TMEM62: variants seen among roughly 807,000 people sequenced by gnomAD.
The protein encoded by TMEM62 is transmembrane protein 62.
In TMEM62, 41 loss-of-function variants were observed where a neutral mutation model predicts 70.4. The observed-to-expected ratio is 0.58, with a 90% CI of 0.45 to 0.76. TMEM62 has a LOEUF of 0.76. TMEM62 is among the 30% of genes least tolerant of loss of function. The pLI is 0.00. For synonymous variants in TMEM62, 268 were observed against 291.0 expected (o/e 0.92, Z 0.80); for missense variants, 688 against 788.5 (o/e 0.87, Z 1.53).
intron 10 of TMEM62, among the ~76,000 whole-genome samples, chr15:43,161,533 C>G (rs2038696783): frequency 6.6e-6 from 1 of 152,136 alleles, no homozygotes; most frequent in Admixed American, 6.5e-5. Context: ...ACACATCTTT[C>G]TTTTATCACA....
intron 10 of TMEM62, among the ~76,000 whole-genome samples, chr15:43,168,218 G>A (rs956223478): frequency 4.9e-4 from 65 of 132,408 alleles, no homozygotes; most frequent in African/African-American, 1.8e-3. Flanking sequence ...AGGGAGAGGG[G>A]TCTTTTGTTT....
intron 11 of TMEM62, among the ~76,000 whole-genome samples, chr15:43,172,131 CAAG>C (rs1189713072): frequency 1.3e-5 from 2 of 151,992 alleles, no homozygotes; most frequent in African/African-American, 4.8e-5. Context: ...TTTAAGAAAC[CAAG>C]AACCAACTTA....
intron 3 of TMEM62, 169 bp downstream of exon 3, chr15:43,135,818 T>C: frequency 2.9e-6 from 2 of 688,580 alleles, no homozygotes; most frequent in Non-Finnish European, 4.3e-6. Context: ...TCAAATGTCA[T>C]TGTTAGCCTT....
At chr15:43,162,749 C>T (rs972536842) in intron 10 of TMEM62, among the ~76,000 whole-genome samples, 1 of 152,028 alleles carries the variant, frequency 6.6e-6, no homozygotes, top group East Asian at 1.9e-4. Context: ...TTTTTTTAAT[C>T]ACTTCTCTAT....
At chr15:43,181,101 C>A in intron 12 of TMEM62, 80 bp from the exon 13 acceptor site, 1 of 925,448 alleles carries the variant, frequency 1.1e-6, no homozygotes. Flanking sequence ...TGCTTTATTC[C>A]TATAAATGTA....
chr15:43,169,428 G>C (rs888075224), intron 10 of TMEM62, among the ~76,000 whole-genome samples, 165 bp from the exon 11 acceptor site: 1 of 152,102 alleles, frequency 6.6e-6, no homozygotes, highest in Admixed American at 6.5e-5. Flanking sequence ...AAAATTACAA[G>C]GATTTTAGGA....
intron 11 of TMEM62, among the ~76,000 whole-genome samples, chr15:43,173,855 C>CTT (rs751203696): frequency 8.8e-4 from 94 of 107,310 alleles, no homozygotes; most frequent in Non-Finnish European, 1.1e-3. Context: ...AATGCAGGAA[C>CTT]TTTTTTTTTT....
intron 10 of TMEM62, among the ~76,000 whole-genome samples, chr15:43,162,192 C>T (rs1398101109): frequency 6.6e-6 from 1 of 151,852 alleles, no homozygotes; most frequent in Non-Finnish European, 1.5e-5. Flanking sequence ...GGCTGGAGTA[C>T]AGCAGTGCGA....
At chr15:43,181,873 T>G (rs1186201411) in intron 13 of TMEM62, among the ~76,000 whole-genome samples, 2 of 152,232 alleles carry the variant, frequency 1.3e-5, no homozygotes, top group African/African-American at 4.8e-5. Context: ...TTCACTGTGC[T>G]TTTTCATTGA....
intron 10 of TMEM62, among the ~76,000 whole-genome samples, chr15:43,161,608 G>A (rs899061150): frequency 6.6e-6 from 1 of 152,022 alleles, no homozygotes; most frequent in African/African-American, 2.4e-5. Flanking sequence ...ATATACACAT[G>A]TGTATATATA....
At position 43,168,384 on chromosome 15, in the gene TMEM62, G is replaced by C. The variant is rs1182611870; in HGVS notation, c.1297-1209G>C. ...CAAGTTCTGTGGTGACTACTGCTTG[G>C]CTACTGCTGATGTTTATTCAAGGCC... is the stretch of plus-strand genomic sequence containing the variant. On this transcript the variant is annotated intron_variant, in intron 10 of 13. Transcript: ENST00000260403. Among the ~76,000 whole-genome samples the C allele has an allele frequency of 2.0e-5, 3 of 152,034 alleles. No homozygotes were observed. In the South Asian group the frequency reaches 6.2e-4, roughly 31 times the overall value.
chr15:43,159,278 A>G (rs545330852), intron 9 of TMEM62, among the ~76,000 whole-genome samples: 1 of 152,326 alleles, frequency 6.6e-6, no homozygotes, highest in Non-Finnish European at 1.5e-5. Context: ...TTTTAAAAGT[A>G]CAATTATTAT....
Position 43,133,768 on chromosome 15 carries a change from G to T in TMEM62, c.-35G>T. The T allele has an allele frequency of 1.5e-6, 2 of 1,328,016 alleles. No individual in the cohort carries two copies. Among genetic ancestry groups the T allele is most frequent in the Non-Finnish European group, 1.9e-6 (2 of 1,044,576 alleles). The allele number at this position is 1,328,016 out of a possible 1,614,324, so 82.3% of individuals were successfully genotyped here. On this transcript the variant is annotated 5_prime_UTR_variant, in exon 1 of 14. Transcript: ENST00000260403. ...GGGAGCGCCGCGCGGTCCTGCGCGGGATCAGCGAGGGCCGCGCCCCGGCGG... is the reference window on the plus strand; with the variant it reads ...GGGAGCGCCGCGCGGTCCTGCGCGGTATCAGCGAGGGCCGCGCCCCGGCGG...
At chr15:43,162,433 C>CTTTTTT (rs1169921008) in intron 10 of TMEM62, among the ~76,000 whole-genome samples, 12 of 137,018 alleles carry the variant, frequency 8.8e-5, no homozygotes, top group African/African-American at 3.4e-4. Flanking sequence ...GCCCCTGGCC[C>CTTTTTT]TTTTTTTTTT....
chr15:43,154,773 T>C lies in TMEM62; in HGVS notation c.1124T>C (p.Leu375Pro), dbSNP rs893063776. Reference protein sequence around the residue: ...AVHVSGPIFVLKWNPRNYSSG... With the variant: ...AVHVSGPIFVPKWNPRNYSSG... Reference sequence around the variant, plus strand: ...CATGTGTCTGGTCCCATTTTCGTACTGAAGTGGAATCCTAGAAACTACAGT... The same window carrying C: ...CATGTGTCTGGTCCCATTTTCGTACCGAAGTGGAATCCTAGAAACTACAGT... Residue 375 changes from leucine (L) to proline (P), a missense_variant, in exon 9 of 14, where the codon CTG becomes CCG. Leu to Pro is a moderately conservative substitution (Grantham distance 98). Coordinates refer to ENST00000260403, the MANE Select transcript of TMEM62 (RefSeq NM_024956.4). The C allele has an allele frequency of 1.2e-6, 2 of 1,614,054 alleles. No homozygotes were observed. Among genetic ancestry groups the C allele is most frequent in the Non-Finnish European group, 1.7e-6 (2 of 1,179,960 alleles).
intron 13 of TMEM62, chr15:43,183,953 G>A (rs998121189): frequency 6.3e-5 from 22 of 348,306 alleles, no homozygotes; most frequent in African/African-American, 4.4e-4. Flanking sequence ...GTATGTGTGT[G>A]TATACATTTA....
rs1023090712 is a variant in TMEM62, at chr15:43,175,149, A to C, written c.1382-3458A>C. Among the ~76,000 whole-genome samples, 3 of 152,366 alleles carry C rather than the reference A, an allele frequency of 2.0e-5. No individual in the cohort carries two copies. In the East Asian group the frequency reaches 5.8e-4, roughly 29 times the overall value. ...AAAGAATAGCTGCCTCTAAGGCTAA[A>C]GGATTTTTTAAAATAATAAATAATT... On this transcript the variant is annotated intron_variant, in intron 11 of 13. Transcript: ENST00000260403.
At chr15:43,136,839 C>A (rs143450532) in intron 3 of TMEM62, among the ~76,000 whole-genome samples, 1 of 152,076 alleles carries the variant, frequency 6.6e-6, no homozygotes, top group Admixed American at 6.6e-5. Flanking sequence ...GCAGCCTTGA[C>A]CTGAGCTTAA....
chr15:43,166,555 TTC>T (rs1384135618), intron 10 of TMEM62, among the ~76,000 whole-genome samples: 3 of 151,936 alleles, frequency 2.0e-5, no homozygotes, highest in African/African-American at 4.8e-5. Context: ...CTTGAGGTTT[TTC>T]TTTTTTTTTT....
Sources: allele counts gnomAD v4.1 joint callset (sites outside exome capture counted in the v4.1 genomes callset), GRCh38; gene constraint gnomAD v4.1.1; transcripts MANE v1.5; gene names NCBI Gene and HGNC (gene_info 2026-07-23, HGNC 2026-07-21).